PCDHA6: variants seen among roughly 807,000 people sequenced by gnomAD.
PCDHA6 encodes the protein protocadherin alpha 6, also known as protocadherin alpha-6.
PCDHA6 carries 55 observed loss-of-function variants against 60.3 expected under a neutral mutation model. The ratio of observed to expected loss-of-function variants is 0.91; its 90% confidence interval spans 0.73 to 1.14. The LOEUF (loss-of-function observed/expected upper bound fraction) is 1.14, where lower values mean the gene tolerates loss of function less well. Among genes scored for constraint, PCDHA6 ranks in the 50% most tolerant of loss-of-function variants. The pLI, the probability that PCDHA6 is intolerant of heterozygous loss-of-function variation, is 0.00. For missense variants in PCDHA6, 1,327 were observed against 1,256.5 expected (o/e 1.06, Z -0.85); for synonymous variants, 652 against 557.9 (o/e 1.17, Z -2.38).
chr5:140,993,446 TCTC>T (rs1262965335), intron 3 of PCDHA6, among the ~76,000 whole-genome samples: 4 of 146,376 alleles, frequency 2.7e-5, no homozygotes, highest in Non-Finnish European at 6.0e-5. Flanking sequence ...TCATTCCTGT[TCTC>T]CTTCTTTCTT....
intron 1 of PCDHA6, chr5:140,870,093 A>G (rs1554163808): frequency 6.8e-6 from 11 of 1,613,930 alleles, no homozygotes; most frequent in Non-Finnish European, 9.3e-6. Context: ...CCCCAATGGC[A>G]GGTCACTGTA....
chr5:140,913,448 G>A (rs185287281), intron 1 of PCDHA6, among the ~76,000 whole-genome samples: 8 of 152,012 alleles, frequency 5.3e-5, no homozygotes, highest in African/African-American at 1.2e-4. Flanking sequence ...TTTCAGCTCC[G>A]ATTTTATTTA....
intron 1 of PCDHA6, chr5:140,967,579 C>T: frequency 7.4e-6 from 12 of 1,614,154 alleles, no homozygotes; most frequent in Non-Finnish European, 9.3e-6. Context: ...AGGACTCACC[C>T]CCAGGCACAT....
chr5:140,987,789 G>T (rs1356794638), intron 3 of PCDHA6, among the ~76,000 whole-genome samples: 2 of 152,136 alleles, frequency 1.3e-5, no homozygotes, highest in African/African-American at 4.8e-5. Context: ...CTATAGAGAA[G>T]ATTTTTTTAA....
At chr5:140,848,598 G>A (rs2150413954) in intron 1 of PCDHA6, 3 of 1,593,830 alleles carry the variant, frequency 1.9e-6, no homozygotes, top group East Asian at 2.2e-5. Flanking sequence ...CCACTACTCC[G>A]TCCCGGAGGA....
intron 1 of PCDHA6, among the ~76,000 whole-genome samples, chr5:140,898,854 C>G (rs1467228131): frequency 2.0e-5 from 3 of 152,150 alleles, no homozygotes; most frequent in Admixed American, 6.6e-5. Flanking sequence ...TTTGTATCCT[C>G]TTTTATTTCA....
At chr5:140,994,433 T>G (rs2097622592) in intron 3 of PCDHA6, among the ~76,000 whole-genome samples, 1 of 152,204 alleles carries the variant, frequency 6.6e-6, no homozygotes, top group African/African-American at 2.4e-5. Flanking sequence ...CCGGGCGCAG[T>G]GGCTCACACC....
intron 1 of PCDHA6, chr5:140,867,037 T>C (rs1167495486): frequency 2.0e-5 from 3 of 152,162 alleles, no homozygotes; most frequent in African/African-American, 7.2e-5. Flanking sequence ...CTTTTATGAC[T>C]TGGCGTTTGT....
At chr5:140,968,904 G>A (rs1554231223) in intron 1 of PCDHA6, 1 of 1,614,058 alleles carries the variant, frequency 6.2e-7, no homozygotes, top group Non-Finnish European at 8.5e-7. Flanking sequence ...ATAGCATTAA[G>A]CACAGTGTCT....
intron 1 of PCDHA6, chr5:140,859,449 A>T (rs1319113076): frequency 4.5e-6 from 1 of 222,150 alleles, no homozygotes; most frequent in Non-Finnish European, 8.6e-6. Context: ...TTAGTTGCAG[A>T]GTGACAAAAC....
chr5:140,928,788 G>A, intron 1 of PCDHA6: 1 of 1,614,214 alleles, frequency 6.2e-7, no homozygotes, highest in South Asian at 1.1e-5. Flanking sequence ...CAGTTAAGCA[G>A]AGGGTGGTGG....
chr5:140,967,053 G>A (rs1563359791), intron 1 of PCDHA6: 4 of 1,612,648 alleles, frequency 2.5e-6, no homozygotes, highest in Non-Finnish European at 3.4e-6. Flanking sequence ...GACCTGACGA[G>A]TGGAGCGCTC....
intron 1 of PCDHA6, chr5:140,861,390 C>G (rs970688451): frequency 2.0e-5 from 9 of 450,942 alleles, no homozygotes; most frequent in Admixed American, 6.9e-5. Flanking sequence ...GGACCTGGGT[C>G]TGGAGCTTGT....
At chr5:140,909,561 C>G (rs1281989854) in intron 1 of PCDHA6, among the ~76,000 whole-genome samples, 1 of 152,110 alleles carries the variant, frequency 6.6e-6, no homozygotes, top group Non-Finnish European at 1.5e-5. Flanking sequence ...TCTCTGCAAC[C>G]CATCCAGAGA....
At chr5:140,883,311 C>T (rs1562787016) in intron 1 of PCDHA6, 9 of 1,613,984 alleles carry the variant, frequency 5.6e-6, no homozygotes, top group Non-Finnish European at 7.6e-6. Flanking sequence ...GATAACGCCC[C>T]AGAGGTTACC....
In PCDHA6 at chr5:140,846,583, C is replaced by T. The variant is rs2150392469; in HGVS notation, c.2394+16098C>T. On this transcript the variant is annotated intron_variant, in intron 1 of 3. Transcript: ENST00000529310. The stretch of plus-strand genomic sequence containing the variant: ...TAGAGTCGGGGTTTCACCATGTTAG[C>T]CAGGATGGTCTCGATCTCCTGACCT... Among the ~76,000 whole-genome samples the T allele has an allele frequency of 2.6e-4, 39 of 148,680 alleles. 1 individual carries two copies. Among genetic ancestry groups the T allele is most frequent in the African/African-American group, 9.4e-4 (38 of 40,584 alleles).
At chr5:140,942,541 G>C (rs1241528363) in intron 1 of PCDHA6, among the ~76,000 whole-genome samples, 1 of 152,056 alleles carries the variant, frequency 6.6e-6, no homozygotes, top group African/African-American at 2.4e-5. Context: ...CAGTATGGTG[G>C]GGGGTAGGGG....
intron 1 of PCDHA6, chr5:140,843,599 T>G: frequency 6.3e-7 from 1 of 1,595,978 alleles, no homozygotes; most frequent in South Asian, 1.1e-5. Flanking sequence ...GAGGGTGTGC[T>G]CTGGTGAGGG....
In PCDHA6 at chr5:140,852,913, C is replaced by T. The variant is rs1049603873; in HGVS notation, c.2394+22428C>T. ...TTTTTTTTTGAGTCAGAGTCTCGCTCTGTTGCCCAGGCTGGAGTGCAGTGG... is the reference window on the plus strand; with the variant it reads ...TTTTTTTTTGAGTCAGAGTCTCGCTTTGTTGCCCAGGCTGGAGTGCAGTGG... On this transcript the variant is annotated intron_variant, in intron 1 of 3. Coordinates refer to ENST00000529310, the MANE Select transcript of PCDHA6 (RefSeq NM_018909.4). 2.0e-4 allele frequency: 157 copies of T among 789,674 alleles called. 4 individuals are homozygous for T. The highest frequency in any genetic ancestry group is 2.4e-4 in the Non-Finnish European group (154 of 638,000). 48.9% of individuals were successfully genotyped at this position (789,674 alleles called of 1,614,324 possible). A position where few individuals can be genotyped will look rare whatever the true frequency, so the allele number is the denominator to read the frequency against.
Sources: gnomAD v4.1 joint callset for allele counts (sites outside exome capture counted in the v4.1 genomes callset) on GRCh38, gnomAD v4.1.1 for gene constraint, MANE v1.5 for transcripts, NCBI Gene and HGNC (gene_info 2026-07-23, HGNC 2026-07-21) for gene names.